BAIAP2L1: variants seen among roughly 807,000 people sequenced by gnomAD.
The protein encoded by BAIAP2L1 is BAR/IMD domain-containing adapter protein 2-like 1.
BAIAP2L1 carries 35 observed loss-of-function variants against 66.3 expected under a neutral mutation model. The observed-to-expected ratio is 0.53, with a 90% CI of 0.40 to 0.70. The LOEUF is 0.70. Ranked by LOEUF, BAIAP2L1 falls within the 30% of genes least tolerant of loss-of-function variation. The probability of loss-of-function intolerance (pLI) is 0.00; values close to 1 mark genes in which losing one functional copy is unlikely to be tolerated. For missense variants in BAIAP2L1, 622 were observed against 656.9 expected, an observed-to-expected ratio of 0.95 and a Z score of 0.58; for synonymous variants, 269 against 248.7, an observed-to-expected ratio of 1.08 and a Z score of -0.77.
intron 3 of BAIAP2L1, among the ~76,000 whole-genome samples, chr7:98,348,811 A>T (rs554327797): frequency 1.5e-4 from 23 of 152,368 alleles, no homozygotes; most frequent in African/African-American, 5.5e-4. Flanking sequence ...ATGGTGAGTA[A>T]ATAACCCACT....
At chr7:98,400,756 G>A (rs1280271785) in intron 1 of BAIAP2L1, 46 bp downstream of exon 1, 17 of 1,544,036 alleles carry the variant, frequency 1.1e-5, no homozygotes, top group African/African-American at 1.4e-5. Context: ...TCTGAACCCC[G>A]AGGTGGAAAG....
intron 12 of BAIAP2L1, among the ~76,000 whole-genome samples, chr7:98,296,407 C>T (rs1200635344): frequency 6.6e-6 from 1 of 152,202 alleles, no homozygotes; most frequent in African/African-American, 2.4e-5. Context: ...GGGCGCATCA[C>T]CTGAGGTCGG....
chr7:98,359,096 G>A (rs982837055), intron 2 of BAIAP2L1, among the ~76,000 whole-genome samples: 3 of 152,166 alleles, frequency 2.0e-5, no homozygotes, highest in Non-Finnish European at 4.4e-5. Context: ...CACACGGGCC[G>A]CAGAAGACTG....
At chr7:98,382,905 G>C (rs554539190) in intron 1 of BAIAP2L1, among the ~76,000 whole-genome samples, 7 of 152,106 alleles carry the variant, frequency 4.6e-5, no homozygotes, top group Non-Finnish European at 7.4e-5. Flanking sequence ...CGTTTGCTTT[G>C]TTCTTAGAGG....
chr7:98,338,145 C>T (rs191335381), intron 3 of BAIAP2L1, among the ~76,000 whole-genome samples: 73 of 152,198 alleles, frequency 4.8e-4, no homozygotes, highest in African/African-American at 1.6e-3. Flanking sequence ...TTAAGAGATG[C>T]CGTTAGGCGG....
intron 3 of BAIAP2L1, among the ~76,000 whole-genome samples, chr7:98,331,790 A>G (rs1801500927): frequency 6.6e-6 from 1 of 152,114 alleles, no homozygotes; most frequent in Admixed American, 6.6e-5. Flanking sequence ...TAAAAGCCAG[A>G]GGAAAAGAAC....
intron 13 of BAIAP2L1, 75 bp from the exon 14 acceptor site, chr7:98,293,671 C>G: frequency 7.0e-7 from 1 of 1,432,606 alleles, no homozygotes; most frequent in Non-Finnish European, 9.8e-7. Context: ...GCTAATAACC[C>G]GTTCTTGCCC....
At chr7:98,308,159 A>G (rs546008973) in intron 9 of BAIAP2L1, 2 of 612,392 alleles carry the variant, frequency 3.3e-6, no homozygotes, top group South Asian at 3.0e-5. Flanking sequence ...TCCAGGCCCA[A>G]GGACAAGGCG....
chr7:98,347,947 T>C (rs1485308267), intron 3 of BAIAP2L1, among the ~76,000 whole-genome samples: 1 of 151,610 alleles, frequency 6.6e-6, no homozygotes, highest in Non-Finnish European at 1.5e-5. Flanking sequence ...AATGAGAACA[T>C]GGACATAGGG....
chr7:98,396,115 A>G (rs927311306), intron 1 of BAIAP2L1, among the ~76,000 whole-genome samples: 5 of 152,288 alleles, frequency 3.3e-5, no homozygotes, highest in Non-Finnish European at 7.3e-5. Context: ...TCTGTTGCCC[A>G]GGCCAGAGTA....
Position 98,338,902 on chromosome 7 carries a change from C to A in BAIAP2L1, c.214+16140G>T, listed in dbSNP as rs181716926. On this transcript the variant is annotated intron_variant, in intron 3 of 13. Coordinates refer to ENST00000005260, the MANE Select transcript of BAIAP2L1 (RefSeq NM_018842.5). ...CAGCCTGACCAACATGGAGAAACAC[C>A]GTCTCTACTAAAAATACAAAATTAG... 3.3e-3 allele frequency among the ~76,000 whole-genome samples: 502 copies of A among 151,880 alleles called. 2 individuals carry two copies. Among genetic ancestry groups the A allele is most frequent in the African/African-American group, 0.011 (476 of 41,412 alleles).
At chr7:98,378,802 T>C (rs1802690791) in intron 1 of BAIAP2L1, among the ~76,000 whole-genome samples, 1 of 151,690 alleles carries the variant, frequency 6.6e-6, no homozygotes, top group Non-Finnish European at 1.5e-5. Flanking sequence ...TGTCCATGGC[T>C]CAGCACTTTG....
chr7:98,292,876 G>A lies in BAIAP2L1; in HGVS notation c.*645C>T. On this transcript the variant is annotated 3_prime_UTR_variant, in exon 14 of 14. Coordinates refer to ENST00000005260, the MANE Select transcript of BAIAP2L1 (RefSeq NM_018842.5). ...ACTACCAAGAAAAGGAGCTCTCGGA[G>A]GAGATTTCGTCGAGTGCTACGTGTG... 6.9e-7 allele frequency: 1 copy of A among 1,444,110 alleles called. No individual in the cohort carries two copies. Among genetic ancestry groups the A allele is most frequent in the Non-Finnish European group, 9.1e-7 (1 of 1,100,096 alleles). The allele number at this position is 1,444,110 out of a possible 1,614,324, so 89.5% of individuals were successfully genotyped here. A position where few individuals can be genotyped will look rare whatever the true frequency, so the allele number is the denominator to read the frequency against.
At chr7:98,379,833 A>G (rs1418923530) in intron 1 of BAIAP2L1, among the ~76,000 whole-genome samples, 1 of 152,208 alleles carries the variant, frequency 6.6e-6, no homozygotes, top group Non-Finnish European at 1.5e-5. Context: ...GTATGACTCT[A>G]TTTACAAAAA....
chr7:98,341,013 C>T (rs1355170007), intron 3 of BAIAP2L1, among the ~76,000 whole-genome samples: 20 of 131,654 alleles, frequency 1.5e-4, no homozygotes, highest in African/African-American at 5.6e-4. Flanking sequence ...CCCTACCTTT[C>T]TAATTATTCT....
intron 1 of BAIAP2L1, among the ~76,000 whole-genome samples, chr7:98,391,447 G>A (rs936036149): frequency 6.6e-6 from 1 of 151,976 alleles, no homozygotes; most frequent in Non-Finnish European, 1.5e-5. Flanking sequence ...AGTGGCTCAC[G>A]CCTGTAATCC....
chr7:98,312,457 G>A (rs1325415400), intron 7 of BAIAP2L1, among the ~76,000 whole-genome samples, 193 bp from the exon 8 acceptor site: 1 of 152,176 alleles, frequency 6.6e-6, no homozygotes, highest in Non-Finnish European at 1.5e-5. Flanking sequence ...AGGGGCAAAG[G>A]CTCTGACTCA....
chr7:98,302,641 G>A (rs1431533687), intron 12 of BAIAP2L1, among the ~76,000 whole-genome samples: 1 of 152,186 alleles, frequency 6.6e-6, no homozygotes, highest in South Asian at 2.1e-4. Flanking sequence ...CACCCTCCAG[G>A]ACAAATGACT....
At chr7:98,394,386 C>T (rs766200431) in intron 1 of BAIAP2L1, among the ~76,000 whole-genome samples, 9 of 152,180 alleles carry the variant, frequency 5.9e-5, no homozygotes, top group Admixed American at 2.0e-4. Flanking sequence ...GCCTCTCAGA[C>T]CAGAATTTCC....
Sources: gnomAD v4.1 joint callset for allele counts (sites outside exome capture counted in the v4.1 genomes callset) on GRCh38, gnomAD v4.1.1 for gene constraint, MANE v1.5 for transcripts, NCBI Gene and HGNC (gene_info 2026-07-23, HGNC 2026-07-21) for gene names.